The following SPSB4 variants were observed in gnomAD, a reference collection of about 807,000 sequenced individuals.
SPSB4 encodes splA/ryanodine receptor domain and SOCS box containing 4.
A neutral mutation model predicts 20.9 loss-of-function variants in SPSB4; 21 were observed. That is an observed-to-expected ratio of 1.01 (90% CI 0.71 to 1.45). The LOEUF (loss-of-function observed/expected upper bound fraction) is 1.45. Ranked by LOEUF, SPSB4 falls within the 40% of genes most tolerant of loss-of-function variation. The pLI is 0.00. For missense variants in SPSB4, 399 were observed against 399.2 expected (o/e 1.00, Z 0.00); for synonymous variants, 207 against 183.8 (o/e 1.13, Z -1.02).
chr3:141,066,411 A>T lies in SPSB4; in HGVS notation c.307A>T (p.Asn103Tyr). 1 of 1,530,896 alleles carries T rather than the reference A, an allele frequency of 6.5e-7. No individual in the cohort carries two copies. Among genetic ancestry groups the T allele is most frequent in the African/African-American group, 1.4e-5 (1 of 72,582 alleles). 94.8% of individuals were successfully genotyped at this position (1,530,896 alleles called of 1,614,324 possible). A position where few individuals can be genotyped will look rare whatever the true frequency, so the allele number is the denominator to read the frequency against. Reference sequence around the variant, plus strand: ...CCGCGGCCTGCACGCCTGGCAGATCAACTGGCCGGCTCGGCAGCGCGGCAC... The same window carrying T: ...CCGCGGCCTGCACGCCTGGCAGATCTACTGGCCGGCTCGGCAGCGCGGCAC... Reference protein sequence around the residue: ...HARGLHAWQINWPARQRGTHA... With the variant: ...HARGLHAWQIYWPARQRGTHA... Residue 103 changes from asparagine to tyrosine, a missense_variant, in exon 2 of 3, where the codon AAC becomes TAC. By Grantham distance (143) the Asn-to-Tyr change is moderately radical (BLOSUM62 -2). Coordinates refer to ENST00000310546, the MANE Select transcript of SPSB4 (RefSeq NM_080862.3).
intron 2 of SPSB4, among the ~76,000 whole-genome samples, chr3:141,082,865 G>A (rs1938265284): frequency 1.3e-5 from 2 of 152,176 alleles, no homozygotes; most frequent in Admixed American, 1.3e-4. Context: ...TCTTCACTCT[G>A]ACCATGATGA....
intron 2 of SPSB4, among the ~76,000 whole-genome samples, chr3:141,126,731 C>T (rs754357831): frequency 7.2e-5 from 11 of 152,212 alleles, no homozygotes; most frequent in Non-Finnish European, 1.3e-4. Flanking sequence ...GACAGGTCCA[C>T]GAGCTGAGTT....
intron 2 of SPSB4, chr3:141,123,996 A>AT (rs1447422361): frequency 6.6e-6 from 1 of 152,276 alleles, no homozygotes; most frequent in East Asian, 1.9e-4. Flanking sequence ...TGTGTTACTA[A>AT]TTCTGTCTGC....
intron 2 of SPSB4, among the ~76,000 whole-genome samples, chr3:141,104,612 A>C (rs1450037568): frequency 6.6e-6 from 1 of 152,184 alleles, no homozygotes; most frequent in African/African-American, 2.4e-5. Context: ...TGACCTGCAC[A>C]CAGGTGGCCG....
At chr3:141,138,658 T>C (rs1436118898) in intron 2 of SPSB4, among the ~76,000 whole-genome samples, 1 of 152,364 alleles carries the variant, frequency 6.6e-6, no homozygotes, top group East Asian at 1.9e-4. Context: ...AGTGAGTTTC[T>C]TAATCCTGAG....
chr3:141,134,056 C>CTTTT lies in SPSB4; in HGVS notation c.695-13070_695-13067dup, dbSNP rs1222303281. ...TTTTCTTTTTTTTTTTTTCTTTTTT[C>CTTTT]TTTTTTTTTTTTTTTTTTTGCAGCT... On this transcript the variant is annotated intron_variant, in intron 2 of 2. Transcript: ENST00000310546. Among the ~76,000 whole-genome samples the CTTTT allele has an allele frequency of 1.2e-3, 73 of 61,630 alleles. 2 individuals carry two copies. The highest frequency in any genetic ancestry group is 4.9e-3 in the African/African-American group (69 of 14,040). The allele number at this position is 61,630 out of a possible 152,430, so 40.4% of individuals were successfully genotyped here.
At chr3:141,140,118 G>T (rs1253721007) in intron 2 of SPSB4, among the ~76,000 whole-genome samples, 1 of 151,936 alleles carries the variant, frequency 6.6e-6, no homozygotes, top group Non-Finnish European at 1.5e-5. Context: ...TCTTCCAGTT[G>T]ATCGCGTCAG....
intron 2 of SPSB4, among the ~76,000 whole-genome samples, chr3:141,069,643 G>A (rs1006236515): frequency 3.9e-5 from 6 of 152,160 alleles, no homozygotes; most frequent in African/African-American, 1.4e-4. Context: ...TCAGACCCTG[G>A]CCCCAGCACT....
Position 141,096,494 on chromosome 3 carries a change from T to C in SPSB4, c.694+29696T>C, listed in dbSNP as rs1938549576. Among the ~76,000 whole-genome samples the C allele has an allele frequency of 2.6e-5, 4 of 152,358 alleles. No individual in the cohort carries two copies. In the South Asian group the frequency reaches 8.3e-4, roughly 32 times the overall value. On this transcript the variant is annotated intron_variant, in intron 2 of 2. Transcript: ENST00000310546. ...CTCCCTGTCCTGCCAGCTGGATTGA[T>C]TTCCAAGGCCTAAAAACAGGACTTT...
chr3:141,103,905 T>A (rs1212977752), intron 2 of SPSB4, among the ~76,000 whole-genome samples: 2 of 151,602 alleles, frequency 1.3e-5, no homozygotes, highest in Non-Finnish European at 2.9e-5. Context: ...TAGTTCAAGA[T>A]CAGGGAATAA....
intron 2 of SPSB4, chr3:141,132,269 G>C (rs1165131648): frequency 5.0e-6 from 2 of 401,838 alleles, no homozygotes; most frequent in East Asian, 2.0e-4. Context: ...CCGGGTTCAA[G>C]CTATTCTTCT....
chr3:141,075,350 G>A (rs1411649644), intron 2 of SPSB4, among the ~76,000 whole-genome samples: 2 of 152,004 alleles, frequency 1.3e-5, no homozygotes, highest in Admixed American at 6.5e-5. Context: ...CCTGGCCGCC[G>A]CTCAGACCAT....
intron 2 of SPSB4, among the ~76,000 whole-genome samples, chr3:141,139,086 G>A (rs1486594056): frequency 6.6e-6 from 1 of 152,184 alleles, no homozygotes; most frequent in Non-Finnish European, 1.5e-5. Flanking sequence ...TTACCATTAT[G>A]TAATGGCCTT....
chr3:141,107,039 C>CTG (rs1938705708), intron 2 of SPSB4, among the ~76,000 whole-genome samples: 4 of 152,242 alleles, frequency 2.6e-5, no homozygotes, highest in African/African-American at 9.6e-5. Flanking sequence ...ATGGGCCCCA[C>CTG]TGGGATCTCA....
intron 2 of SPSB4, among the ~76,000 whole-genome samples, chr3:141,130,381 A>G (rs951494712): frequency 6.6e-6 from 1 of 152,162 alleles, no homozygotes; most frequent in East Asian, 1.9e-4. Flanking sequence ...CCAAAACCAT[A>G]GTCTGTGGAT....
chr3:141,099,390 G>T (rs1938585983), intron 2 of SPSB4, among the ~76,000 whole-genome samples: 1 of 152,000 alleles, frequency 6.6e-6, no homozygotes, highest in Admixed American at 6.6e-5. Context: ...TAAATAATAT[G>T]TCACCATTTT....
In SPSB4 at chr3:141,102,442, G is replaced by C. The variant is rs201487103; in HGVS notation, c.694+35644G>C. 5.3e-5 allele frequency among the ~76,000 whole-genome samples: 8 copies of C among 152,328 alleles called. No homozygotes were observed. The East Asian group carries it at 1.5e-3, about 29-fold the overall frequency. ...TGGGAGAGTGTATGAGTGGGGCCTGGTCTGTCTTGAGAGCCAGAGAAGGCC... is the reference window on the plus strand; with the variant it reads ...TGGGAGAGTGTATGAGTGGGGCCTGCTCTGTCTTGAGAGCCAGAGAAGGCC... On this transcript the variant is annotated intron_variant, in intron 2 of 2. Coordinates refer to ENST00000310546, the MANE Select transcript of SPSB4 (RefSeq NM_080862.3).
intron 2 of SPSB4, among the ~76,000 whole-genome samples, chr3:141,070,916 C>A (rs1450520478): frequency 6.6e-6 from 1 of 152,264 alleles, no homozygotes; most frequent in Non-Finnish European, 1.5e-5. Context: ...TCTGCTCCAT[C>A]TGGCTGGTGA....
intron 2 of SPSB4, among the ~76,000 whole-genome samples, chr3:141,070,798 G>A (rs72978085): frequency 0.012 from 1,755 of 152,360 alleles, 48 homozygotes; most frequent in African/African-American, 0.04. Flanking sequence ...GTAAGTTGCT[G>A]AAGGCGACAC....
Sources: allele counts gnomAD v4.1 joint callset (sites outside exome capture counted in the v4.1 genomes callset), GRCh38; gene constraint gnomAD v4.1.1; transcripts MANE v1.5; gene names NCBI Gene and HGNC (gene_info 2026-07-23, HGNC 2026-07-21).